CCDC12: variants seen among roughly 807,000 people sequenced by gnomAD.
The protein encoded by CCDC12 is coiled-coil domain-containing protein 12.
In CCDC12, 28 loss-of-function variants were observed where a neutral mutation model predicts 25.7. The ratio of observed to expected loss-of-function variants is 1.09; its 90% CI spans 0.81 to 1.50. CCDC12 has a LOEUF of 1.50. Among genes scored for constraint, CCDC12 ranks in the 40% most tolerant of loss-of-function variants. CCDC12 has a pLI of 0.00. For synonymous variants in CCDC12, 75 were observed against 87.7 expected, an observed-to-expected ratio of 0.86 and a Z score of 0.81; for missense variants, 198 against 210.0, an observed-to-expected ratio of 0.94 and a Z score of 0.35.
At chr3:46,975,236 A>G (rs920204720) in intron 1 of CCDC12, among the ~76,000 whole-genome samples, 1 of 151,194 alleles carries the variant, frequency 6.6e-6, no homozygotes, top group Non-Finnish European at 1.5e-5. Context: ...CCTAGGCTGG[A>G]GTGCAGTGGC....
chr3:46,981,017 C>G (rs1279625138), upstream of CCDC12, among the ~76,000 whole-genome samples: 1 of 152,228 alleles, frequency 6.6e-6, no homozygotes, highest in Non-Finnish European at 1.5e-5. Flanking sequence ...GCCAGAAGGA[C>G]CACAGCCTCT....
At chr3:46,966,436 A>G (rs1470970325) in intron 1 of CCDC12, among the ~76,000 whole-genome samples, 1 of 151,766 alleles carries the variant, frequency 6.6e-6, no homozygotes, top group Non-Finnish European at 1.5e-5. Context: ...CGGCTTGAGC[A>G]CGGGGCGGGG....
At chr3:46,980,737 G>T (rs1178845115), upstream of CCDC12, among the ~76,000 whole-genome samples, 3 of 152,100 alleles carry the variant, frequency 2.0e-5, no homozygotes, top group Non-Finnish European at 4.4e-5. Flanking sequence ...TGAGAACCTG[G>T]TATCACTCAC....
intron 1 of CCDC12, among the ~76,000 whole-genome samples, chr3:46,960,223 G>C (rs559164586): frequency 1.6e-4 from 25 of 152,028 alleles, no homozygotes; most frequent in Non-Finnish European, 3.4e-4. Flanking sequence ...TCCCACCCAG[G>C]CTCTGTGCAC....
intron 2 of CCDC12, among the ~76,000 whole-genome samples, chr3:46,930,880 C>T (rs2033179554): frequency 1.3e-5 from 2 of 152,176 alleles, no homozygotes; most frequent in African/African-American, 4.8e-5. Context: ...CAGCAGGCCC[C>T]ACTCCATGCA....
At chr3:46,925,330 G>C (rs2032900184) in intron 3 of CCDC12, 126 bp downstream of exon 3, 2 of 794,156 alleles carry the variant, frequency 2.5e-6, no homozygotes, top group African/African-American at 1.7e-5. Flanking sequence ...TGGTAACAAA[G>C]GGTCCTGCCT....
chr3:46,959,883 A>C (rs1300022163), intron 1 of CCDC12, among the ~76,000 whole-genome samples: 1 of 152,166 alleles, frequency 6.6e-6, no homozygotes, highest in Admixed American at 6.5e-5. Flanking sequence ...GTGTTTTCTC[A>C]GCACCTCTAC....
chr3:46,980,108 C>T (rs2035213951), upstream of CCDC12, among the ~76,000 whole-genome samples: 2 of 152,120 alleles, frequency 1.3e-5, no homozygotes, highest in Admixed American at 1.3e-4. Flanking sequence ...GGCACTTATG[C>T]CTTGGGGACA....
Position 46,921,909 on chromosome 3 carries a change from C to G in CCDC12, c.*148G>C. On this transcript the variant is annotated 3_prime_UTR_variant, in exon 7 of 7. Transcript: ENST00000683445. ...GCCACCCAGCAGACAAGGAGCTGAC[C>G]TCATCCATGGGGGTTTCAGACTTGA... 1 of 787,184 alleles carries G rather than the reference C, an allele frequency of 1.3e-6. No homozygotes were observed. Among genetic ancestry groups the G allele is most frequent in the Non-Finnish European group, 2.0e-6 (1 of 491,294 alleles). The allele number at this position is 787,184 out of a possible 1,614,324, so 48.8% of individuals were successfully genotyped here.
chr3:46,946,089 T>C (rs1329781890), intron 1 of CCDC12, among the ~76,000 whole-genome samples: 1 of 152,166 alleles, frequency 6.6e-6, no homozygotes, highest in East Asian at 1.9e-4. Context: ...TAGAAGCAGG[T>C]CAATCAACAA....
upstream of CCDC12, among the ~76,000 whole-genome samples, chr3:46,981,730 T>C (rs1456217818): frequency 1.3e-5 from 2 of 151,732 alleles, no homozygotes; most frequent in African/African-American, 2.4e-5. Context: ...AGCTGGTGAG[T>C]GTGAGGGATG....
At chr3:46,968,750 AT>A in intron 1 of CCDC12, among the ~76,000 whole-genome samples, 2 of 152,264 alleles carry the variant, frequency 1.3e-5, no homozygotes, top group East Asian at 3.9e-4. Context: ...GGAGGTACTT[AT>A]TCCCAAGCAC....
intron 2 of CCDC12, among the ~76,000 whole-genome samples, chr3:46,935,916 T>C (rs1279108734): frequency 6.6e-6 from 1 of 152,220 alleles, no homozygotes; most frequent in Non-Finnish European, 1.5e-5. Context: ...CCAGCAAGCT[T>C]TTTCTAATAG....
At chr3:46,940,475 T>C (rs1426626018) in intron 2 of CCDC12, 1 of 153,948 alleles carries the variant, frequency 6.5e-6, no homozygotes, top group Non-Finnish European at 1.4e-5. Context: ...CTGAACTCTA[T>C]GTGAAGACCC....
chr3:46,946,681 A>C (rs1365216189), intron 1 of CCDC12, among the ~76,000 whole-genome samples: 1 of 152,180 alleles, frequency 6.6e-6, no homozygotes, highest in African/African-American at 2.4e-5. Flanking sequence ...CATGGGAGGA[A>C]CGGGGAAGAC....
At chr3:46,976,235 G>A (rs987406676) in intron 1 of CCDC12, 17 of 874,238 alleles carry the variant, frequency 1.9e-5, no homozygotes, top group Middle Eastern at 5.4e-4. Context: ...GGACTGGGGA[G>A]TCTGTCTGAC....
chr3:46,928,392 T>C (rs1297944619), intron 2 of CCDC12, among the ~76,000 whole-genome samples: 2 of 152,218 alleles, frequency 1.3e-5, no homozygotes, highest in East Asian at 3.8e-4. Context: ...GCATGTCTAT[T>C]TACATGCAGC....
At chr3:46,944,588 T>C (rs1186469701) in intron 1 of CCDC12, among the ~76,000 whole-genome samples, 1 of 151,702 alleles carries the variant, frequency 6.6e-6, no homozygotes, top group Admixed American at 6.6e-5. Context: ...AATCTTGCCA[T>C]CTTCTCCCTC....
At chr3:46,978,531 C>G (rs182219370), upstream of CCDC12, among the ~76,000 whole-genome samples, 985 of 145,166 alleles carry the variant, frequency 6.8e-3, 7 homozygotes, top group Non-Finnish European at 0.011. Context: ...CACCCCGTGC[C>G]CCTTTCCCCG....
Sources: allele counts gnomAD v4.1 joint callset (sites outside exome capture counted in the v4.1 genomes callset), GRCh38; gene constraint gnomAD v4.1.1; transcripts MANE v1.5; gene names NCBI Gene and HGNC (gene_info 2026-07-23, HGNC 2026-07-21).